Variants in AVEN observed in about 807,000 individuals in gnomAD.
The protein encoded by AVEN is apoptosis and caspase activation inhibitor.
In AVEN, 41 loss-of-function variants were observed where a neutral mutation model predicts 38.1. The ratio of observed to expected loss-of-function variants is 1.08; its 90% CI spans 0.84 to 1.40. AVEN has a LOEUF of 1.40. AVEN is among the 40% of genes most tolerant of loss of function. The pLI is 0.00. For missense variants in AVEN, 605 were observed against 438.8 expected (o/e 1.38, Z -3.38); for synonymous variants, 206 against 171.8 (o/e 1.20, Z -1.56).
intron 5 of AVEN, among the ~76,000 whole-genome samples, chr15:34,045,814 C>G (rs1899662477): frequency 6.6e-6 from 1 of 152,166 alleles, no homozygotes; most frequent in Admixed American, 6.5e-5. Context: ...ACAGGGTTAC[C>G]TTCTTTGATT....
At chr15:34,002,142 AC>A (rs1270102680) in intron 2 of AVEN, among the ~76,000 whole-genome samples, 6 of 152,210 alleles carry the variant, frequency 3.9e-5, no homozygotes, top group African/African-American at 1.4e-4. Context: ...TGAAACTGAT[AC>A]AATCTGCCAA....
intron 11 of AVEN, chr15:33,859,443 G>C: frequency 1.2e-6 from 1 of 847,882 alleles, no homozygotes; most frequent in Non-Finnish European, 1.9e-6. Flanking sequence ...ATGAATACTG[G>C]CACCTCTGAA....
chr15:33,868,881 G>A (rs899698886), intron 4 of AVEN, among the ~76,000 whole-genome samples: 1 of 152,004 alleles, frequency 6.6e-6, no homozygotes, highest in Non-Finnish European at 1.5e-5. Flanking sequence ...TTTCTGAATC[G>A]ATGTTATACT....
At chr15:33,952,141 C>T (rs940402748) in intron 2 of AVEN, among the ~76,000 whole-genome samples, 6 of 152,144 alleles carry the variant, frequency 3.9e-5, no homozygotes, top group African/African-American at 7.2e-5. Flanking sequence ...AATAAATCTG[C>T]GCCAAGGTGG....
At chr15:34,015,597 C>T (rs1897862712) in intron 1 of AVEN, among the ~76,000 whole-genome samples, 1 of 152,150 alleles carries the variant, frequency 6.6e-6, no homozygotes, top group Non-Finnish European at 1.5e-5. Flanking sequence ...ATTCCACCCT[C>T]GGTCTTTAGG....
intron 2 of AVEN, among the ~76,000 whole-genome samples, chr15:33,906,412 T>C (rs1368546481): frequency 6.6e-6 from 1 of 152,368 alleles, no homozygotes; most frequent in African/African-American, 2.4e-5. Flanking sequence ...CACAAGTTGT[T>C]CATCCATTTA....
chr15:34,057,916 C>T (rs566467151), intron 5 of AVEN, among the ~76,000 whole-genome samples: 35 of 152,282 alleles, frequency 2.3e-4, no homozygotes, highest in African/African-American at 5.3e-4. Flanking sequence ...ATTTTCTTTT[C>T]CCTTTTAGCA....
chr15:33,997,526 G>T (rs1038308621), intron 2 of AVEN, among the ~76,000 whole-genome samples: 1 of 151,962 alleles, frequency 6.6e-6, no homozygotes, highest in South Asian at 2.1e-4. Flanking sequence ...ACCGTCATCC[G>T]CAACCCCCTG....
the AVEN span, chr15:33,852,602 C>T: frequency 6.3e-6 from 1 of 158,808 alleles, no homozygotes. Flanking sequence ...ACTTTATCTA[C>T]ACTTTCTACC....
At chr15:34,075,204 A>G (rs1900704909), upstream of AVEN, among the ~76,000 whole-genome samples, 1 of 148,960 alleles carries the variant, frequency 6.7e-6, no homozygotes, top group African/African-American at 2.5e-5. Context: ...AAAAAAAAAA[A>G]GAACTACCTG....
At chr15:34,050,293 T>G (rs1899887547) in intron 5 of AVEN, among the ~76,000 whole-genome samples, 1 of 152,190 alleles carries the variant, frequency 6.6e-6, no homozygotes. Context: ...AAGCAAATGC[T>G]GAGGGAATTT....
intron 2 of AVEN, among the ~76,000 whole-genome samples, chr15:33,879,271 A>T (rs2153037306): frequency 6.6e-6 from 1 of 151,848 alleles, no homozygotes; most frequent in African/African-American, 2.4e-5. Context: ...ATGAAATTGG[A>T]AATCATCATT....
At position 34,073,011 on chromosome 15, in the gene AVEN, T is replaced by A. The variant is rs146574180; in HGVS notation, n.720+1425A>T. Among the ~76,000 whole-genome samples, 12 of 149,062 alleles carry A rather than the reference T, an allele frequency of 8.1e-5. No homozygotes were observed. The East Asian group carries it at 2.5e-3, about 31-fold the overall frequency. On this transcript the variant is annotated intron_variant and non_coding_transcript_variant, in intron 1 of 11. Coordinates refer to the AVEN transcript ENST00000675287. ...AATATCTTACCATCTATCCTTCTAG[T>A]CTTTTTTCTATGTACAGACACTTTT...
intron 3 of AVEN, among the ~76,000 whole-genome samples, chr15:33,872,683 C>T (rs1284716218): frequency 6.6e-6 from 1 of 152,126 alleles, no homozygotes; most frequent in African/African-American, 2.4e-5. Context: ...GGAAGTCCTA[C>T]TGGATAAGTC....
At chr15:34,015,426 G>A (rs1343441400) in intron 1 of AVEN, among the ~76,000 whole-genome samples, 6 of 151,928 alleles carry the variant, frequency 3.9e-5, no homozygotes, top group Non-Finnish European at 8.8e-5. Context: ...AGCTTGCAGT[G>A]AGCCGAGATC....
chr15:34,014,499 T>A (rs1017729022), intron 1 of AVEN, among the ~76,000 whole-genome samples: 7 of 146,654 alleles, frequency 4.8e-5, no homozygotes, highest in Non-Finnish European at 7.5e-5. Context: ...AAATCAAAAA[T>A]CCATGGGAAA....
At position 33,989,183 on chromosome 15, in the gene AVEN, G is replaced by A. The variant is rs72718639; in HGVS notation, c.445+13849C>T. 8.1e-4 allele frequency among the ~76,000 whole-genome samples: 123 copies of A among 152,136 alleles called. 1 individual carries two copies. The highest frequency in any genetic ancestry group is 5.8e-3 in the Admixed American group (89 of 15,280). Reference sequence around the variant, plus strand: ...AAAAGCTAAATAAAAGAGAAGATGAGTTAATGATCATTTATTTTTCTAATT... The same window carrying A: ...AAAAGCTAAATAAAAGAGAAGATGAATTAATGATCATTTATTTTTCTAATT... On this transcript the variant is annotated intron_variant, in intron 2 of 5. Coordinates refer to ENST00000306730, the MANE Select transcript of AVEN (RefSeq NM_020371.3).
In AVEN at chr15:33,867,629, TCTC is replaced by T; in HGVS notation, c.836_838del (p.Gly279del). The T allele has an allele frequency of 6.2e-7, 1 of 1,614,196 alleles. No individual in the cohort carries two copies. ...CAGATCTAGTTCTTCTTCCAAATGGTCTCCTGCTGACTGCAGTGGGGAAGTGGG... is the reference window on the plus strand; with the variant it reads ...CAGATCTAGTTCTTCTTCCAAATGGTCTGCTGACTGCAGTGGGGAAGTGGG... On this transcript the variant is annotated inframe_deletion, in exon 5 of 6. Transcript: ENST00000306730.
intron 2 of AVEN, among the ~76,000 whole-genome samples, chr15:33,976,505 T>G (rs1298471099): frequency 6.6e-6 from 1 of 152,236 alleles, no homozygotes; most frequent in Non-Finnish European, 1.5e-5. Flanking sequence ...ATCAGATTTT[T>G]TATGGCCTCT....
Sources: gnomAD v4.1 joint callset for allele counts (sites outside exome capture counted in the v4.1 genomes callset) on GRCh38, gnomAD v4.1.1 for gene constraint, MANE v1.5 for transcripts, NCBI Gene and HGNC (gene_info 2026-07-23, HGNC 2026-07-21) for gene names.